CHIC2: variants seen among roughly 807,000 people sequenced by gnomAD.
The protein encoded by CHIC2 is cysteine-rich hydrophobic domain-containing protein 2.
A neutral mutation model predicts 25.9 loss-of-function variants in CHIC2; 14 were observed. The observed-to-expected ratio is 0.54, with a 90% CI of 0.36 to 0.85. The LOEUF (loss-of-function observed/expected upper bound fraction) is 0.85, where lower values mean the gene tolerates loss of function less well. Among genes scored for constraint, CHIC2 ranks in the 40% least tolerant of loss-of-function variants. The pLI is 0.01. For synonymous variants in CHIC2, 70 were observed against 72.0 expected (o/e 0.97, Z 0.14); for missense variants, 146 against 202.0 (o/e 0.72, Z 1.68).
At chr4:54,030,961 C>A (rs1413280697) in intron 3 of CHIC2, among the ~76,000 whole-genome samples, 1 of 151,166 alleles carries the variant, frequency 6.6e-6, no homozygotes, top group Admixed American at 6.6e-5. Flanking sequence ...GCAACCTTTG[C>A]CTCCGCCTCC....
chr4:54,059,611 T>C (rs1459002979), intron 1 of CHIC2: 1 of 151,932 alleles, frequency 6.6e-6, no homozygotes, highest in Non-Finnish European at 1.5e-5. Flanking sequence ...CTTAATTTGA[T>C]AATTTCCTCA....
chr4:54,087,540 A>G, the CHIC2 span: 2 of 1,161,150 alleles, frequency 1.7e-6, no homozygotes, highest in South Asian at 2.7e-5. Context: ...AGGCCCCTGT[A>G]TGCAGAAATC....
chr4:54,077,688 C>G, the CHIC2 span, among the ~76,000 whole-genome samples: 1 of 152,156 alleles, frequency 6.6e-6, no homozygotes. Context: ...GCTGTTGAGG[C>G]TACTACTCAC....
intron 3 of CHIC2, among the ~76,000 whole-genome samples, chr4:54,044,296 C>T (rs966228970): frequency 2.0e-5 from 3 of 152,182 alleles, no homozygotes; most frequent in African/African-American, 7.2e-5. Flanking sequence ...CTGCACCAAG[C>T]AGACCTAATA....
rs572966279 is a variant in CHIC2, at chr4:54,057,041, T to C, written c.119+7141A>G. On this transcript the variant is annotated intron_variant, in intron 1 of 5. Coordinates refer to ENST00000263921, the MANE Select transcript of CHIC2 (RefSeq NM_012110.4). ...AATCACTCCCAGTGAACAGTAAGGG[T>C]AGCCAGTTATTTAACCTCAGCCTAC... Among the ~76,000 whole-genome samples, 11 of 152,136 alleles carry C rather than the reference T, an allele frequency of 7.2e-5. No homozygotes were observed. The South Asian group carries it at 1.9e-3, about 26-fold the overall frequency.
chr4:54,060,714 A>G (rs1717307706), intron 1 of CHIC2: 1 of 152,182 alleles, frequency 6.6e-6, no homozygotes, highest in Non-Finnish European at 1.5e-5. Context: ...AAGCATAAGG[A>G]ACTCCATAAT....
chr4:54,061,541 G>A (rs758811921), intron 1 of CHIC2, among the ~76,000 whole-genome samples: 56 of 151,944 alleles, frequency 3.7e-4, no homozygotes, highest in Non-Finnish European at 7.2e-4. Flanking sequence ...GTGGAGGAGG[G>A]GGTGTTAAAT....
chr4:54,057,680 A>G (rs1374327834), intron 1 of CHIC2, among the ~76,000 whole-genome samples: 2 of 152,202 alleles, frequency 1.3e-5, no homozygotes, highest in Non-Finnish European at 2.9e-5. Context: ...GCTTTGTGCA[A>G]TACCTGGCAG....
At chr4:54,067,437 T>C (rs1302132442), upstream of CHIC2, among the ~76,000 whole-genome samples, 2 of 151,502 alleles carry the variant, frequency 1.3e-5, no homozygotes, top group East Asian at 3.9e-4. Context: ...CTGATGAGAG[T>C]TGACATCGTA....
intron 3 of CHIC2, among the ~76,000 whole-genome samples, chr4:54,025,045 C>G (rs1467602168): frequency 6.6e-6 from 1 of 151,958 alleles, no homozygotes; most frequent in African/African-American, 2.4e-5. Flanking sequence ...CCCGCCCCCC[C>G]AAAATTTTTG....
At chr4:54,046,966 A>G (rs1464827798) in intron 3 of CHIC2, among the ~76,000 whole-genome samples, 1 of 152,132 alleles carries the variant, frequency 6.6e-6, no homozygotes, top group African/African-American at 2.4e-5. Flanking sequence ...AAAGCAAACA[A>G]CCCCATCAAA....
At position 54,038,609 on chromosome 4, in the gene CHIC2, T is replaced by C. The variant is rs11937986; in HGVS notation, c.330+10346A>G. On this transcript the variant is annotated intron_variant, in intron 3 of 5. Transcript: ENST00000263921. ...AAATACCAGTGTTTCTTATAGATATTTGACAAGCTAATTCTAAAATTTATA... is the reference window on the plus strand; with the variant it reads ...AAATACCAGTGTTTCTTATAGATATCTGACAAGCTAATTCTAAAATTTATA... Among the ~76,000 whole-genome samples, 815 of 152,292 alleles carry C rather than the reference T, an allele frequency of 5.4e-3. 7 individuals carry two copies. The highest frequency in any genetic ancestry group is 0.019 in the African/African-American group (770 of 41,558).
chr4:54,057,376 T>C (rs2110091854), intron 1 of CHIC2, among the ~76,000 whole-genome samples: 1 of 152,334 alleles, frequency 6.6e-6, no homozygotes, highest in Middle Eastern at 3.4e-3. Flanking sequence ...GTTCACTATA[T>C]TCTAGCCATA....
the CHIC2 span, among the ~76,000 whole-genome samples, chr4:54,072,466 C>T: frequency 6.6e-6 from 1 of 152,268 alleles, no homozygotes; most frequent in East Asian, 1.9e-4. Flanking sequence ...TCATCTGGCC[C>T]ACACTGGCCT....
At chr4:54,088,783 G>A in the CHIC2 span, among the ~76,000 whole-genome samples, 5 of 152,324 alleles carry the variant, frequency 3.3e-5, no homozygotes, top group East Asian at 1.9e-4. Flanking sequence ...GCTTGGACCC[G>A]TGCGATAGTA....
intron 1 of CHIC2, among the ~76,000 whole-genome samples, chr4:54,058,429 T>C (rs960007888): frequency 3.9e-5 from 6 of 152,134 alleles, no homozygotes; most frequent in African/African-American, 1.4e-4. Context: ...CACAGTACCA[T>C]CTATTACTTT....
At chr4:54,087,596 C>A in the CHIC2 span, 1 of 755,626 alleles carries the variant, frequency 1.3e-6, no homozygotes, top group African/African-American at 1.8e-5. Context: ...TTAAGGGGCA[C>A]ACACCTACTG....
intron 3 of CHIC2, 61 bp downstream of exon 3, chr4:54,048,894 A>G (rs1375118832): frequency 4.5e-6 from 6 of 1,342,974 alleles, no homozygotes; most frequent in Non-Finnish European, 6.0e-6. Flanking sequence ...TAAAAACTAG[A>G]TAAATGCAAG....
chr4:54,059,316 C>G (rs1717263029), intron 1 of CHIC2, among the ~76,000 whole-genome samples: 1 of 151,966 alleles, frequency 6.6e-6, no homozygotes, highest in Non-Finnish European at 1.5e-5. Flanking sequence ...CACTTGAAGC[C>G]AGGAGTTCAA....
Sources: allele counts gnomAD v4.1 joint callset (sites outside exome capture counted in the v4.1 genomes callset), GRCh38; gene constraint gnomAD v4.1.1; transcripts MANE v1.5; gene names NCBI Gene and HGNC (gene_info 2026-07-23, HGNC 2026-07-21).